Variants in SLC25A53 observed in about 807,000 individuals in gnomAD.
SLC25A53 encodes mitochondrial carrier triple repeat protein 6.
Under a neutral mutation model 15.0 loss-of-function variants are expected in SLC25A53, and 5 were observed. The ratio of observed to expected loss-of-function variants is 0.33; its 90% CI spans 0.17 to 0.70. The LOEUF (loss-of-function observed/expected upper bound fraction) is 0.70, where lower values mean the gene tolerates loss of function less well. Among genes scored for constraint, SLC25A53 ranks in the 30% least tolerant of loss-of-function variants. The probability of loss-of-function intolerance (pLI) is 0.67; values close to 1 mark genes in which losing one functional copy is unlikely to be tolerated. For synonymous variants in SLC25A53, 95 were observed against 100.0 expected (o/e 0.95, Z 0.30); for missense variants, 216 against 241.6 (o/e 0.89, Z 0.70).
Position 104,104,685 on chromosome X carries a change from T to C in SLC25A53, c.573A>G (p.Leu191=), listed in dbSNP as rs2075297950. The change falls in exon 2 of 2, where the codon CTA becomes CTG. Residue 191 remains leucine, a synonymous_variant. Transcript: ENST00000594199. ...GGATGGGGTCCTTGAAAGAAAAATA[T>C]AGAGCACTCCCCAGGCTGTTCCTGG... ...VLARNSLGSA[L]YFSFKDPIQD... is the part of the protein sequence containing the mutation. 4 of 1,211,140 alleles carry C rather than the reference T, an allele frequency of 3.3e-6. No individual in the cohort carries two copies. The highest frequency in any genetic ancestry group is 4.5e-6 in the Non-Finnish European group (4 of 895,309).
intron 1 of SLC25A53, chrX:104,112,418 G>C (rs1189986552): frequency 8.8e-6 from 1 of 114,096 alleles, no homozygotes; most frequent in Non-Finnish European, 1.9e-5. Context: ...CCGCCGGCCA[G>C]CCGGCCCGCT....
At chrX:104,113,993 C>A in intron 1 of SLC25A53, 1 of 1,101,957 alleles carries the variant, frequency 9.1e-7, no homozygotes, top group African/African-American at 1.8e-5. Context: ...CCTTAGAATC[C>A]CTACTGAAAT....
At chrX:104,138,814 A>G (rs2075443570) in intron 1 of SLC25A53, among the ~76,000 whole-genome samples, 1 of 111,677 alleles carries the variant, frequency 9.0e-6, no homozygotes, top group Admixed American at 9.5e-5. Context: ...CTGCCGCTCA[A>G]TGGCCTGCCG....
chrX:104,137,514 A>G (rs1406706515), intron 1 of SLC25A53, among the ~76,000 whole-genome samples: 4 of 111,547 alleles, frequency 3.6e-5, no homozygotes, highest in African/African-American at 1.3e-4. Context: ...ATGGATCTTG[A>G]GCAGCTCACT....
At position 104,102,826 on chromosome X, in the gene SLC25A53, A is replaced by G. The variant is rs2147858443; in HGVS notation, c.*1508T>C. The G allele has an allele frequency of 8.9e-6, 1 of 112,170 alleles. No homozygotes were observed. The highest frequency in any genetic ancestry group is 2.8e-4 in the East Asian group (1 of 3,580). 9.2% of individuals were successfully genotyped at this position (112,170 alleles called of 1,213,427 possible). A position where few individuals can be genotyped will look rare whatever the true frequency, so the allele number is the denominator to read the frequency against. On this transcript the variant is annotated 3_prime_UTR_variant, in exon 2 of 2. Coordinates refer to ENST00000594199, the MANE Select transcript of SLC25A53 (RefSeq NM_001012755.5). ...ATAATGGAATCAGTACCCTGTATGAAGTGCTGTTAGAAAGGGGCATCACAG... is the reference window on the plus strand; with the variant it reads ...ATAATGGAATCAGTACCCTGTATGAGGTGCTGTTAGAAAGGGGCATCACAG...
At chrX:104,115,488 G>A in intron 1 of SLC25A53, 2 of 468,460 alleles carry the variant, frequency 4.3e-6, no homozygotes, top group Non-Finnish European at 7.3e-6. Context: ...ATGGGGAATG[G>A]TGTGACCTCT....
At chrX:104,130,407 C>T (rs1372078076) in intron 1 of SLC25A53, among the ~76,000 whole-genome samples, 7 of 111,596 alleles carry the variant, frequency 6.3e-5, no homozygotes, top group African/African-American at 2.0e-4. Flanking sequence ...ATTCCAATCA[C>T]TTAACTCCAG....
intron 1 of SLC25A53, among the ~76,000 whole-genome samples, chrX:104,126,581 A>G (rs934539866): frequency 4.5e-5 from 5 of 111,159 alleles, no homozygotes; most frequent in Non-Finnish European, 9.4e-5. Flanking sequence ...TTGAGTCCAC[A>G]TCAAAGCTTC....
Position 104,105,028 on chromosome X carries a change from A to G in SLC25A53, c.230T>C (p.Phe77Ser). 1.7e-6 allele frequency: 2 copies of G among 1,211,889 alleles called. No homozygotes were observed. Among genetic ancestry groups the G allele is most frequent in the Non-Finnish European group, 2.2e-6 (2 of 895,494 alleles). Reference protein sequence around the residue: ...RQLWHEGPQYFYRGIYPPLLS... With the variant: ...RQLWHEGPQYSYRGIYPPLLS... ...AAGAGGAGGGTAGATTCCCCGGTAGAAGTATTGAGGACCTTCATGCCAAAG... is the reference window on the plus strand; with the variant it reads ...AAGAGGAGGGTAGATTCCCCGGTAGGAGTATTGAGGACCTTCATGCCAAAG... The change falls in exon 2 of 2, where the codon TTC becomes TCC. Residue 77 changes from phenylalanine to serine, a missense_variant. Coordinates refer to ENST00000594199, the MANE Select transcript of SLC25A53 (RefSeq NM_001012755.5).
At chrX:104,156,332 G>C (rs1196510136) in intron 1 of SLC25A53, among the ~76,000 whole-genome samples, 1 of 111,333 alleles carries the variant, frequency 9.0e-6, no homozygotes, top group African/African-American at 3.3e-5. Flanking sequence ...TATTGTAATA[G>C]CCTGTCTCCA....
rs1263579306 is a variant in SLC25A53, at chrX:104,100,436, T to C, written c.*3898A>G. ...CAACTCCTAAAACTCATTTTTAATA[T>C]CAGAAAACATAGCTCCATTAACATC... On this transcript the variant is annotated 3_prime_UTR_variant, in exon 2 of 2. Transcript: ENST00000594199. 1 of 111,709 alleles carries C rather than the reference T, an allele frequency of 9.0e-6. No individual in the cohort carries two copies. Among genetic ancestry groups the C allele is most frequent in the Non-Finnish European group, 1.9e-5 (1 of 53,166 alleles). 9.2% of individuals were successfully genotyped at this position (111,709 alleles called of 1,213,427 possible).
rs1556355228 is a variant in SLC25A53, at chrX:104,104,940, G to C, written c.318C>G (p.Leu106=). 6 of 1,209,640 alleles carry C rather than the reference G, an allele frequency of 5.0e-6. No homozygotes were observed. Among genetic ancestry groups the C allele is most frequent in the Admixed American group, 2.2e-5 (1 of 45,699 alleles). ...FGTYDSLLCF[L]SPVGPHTLGH... ...CCAGGGTGTGTGGCCCAACAGGAGAGAGAAAGCACAGCAGGCTATCATAAG... is the reference window on the plus strand; with the variant it reads ...CCAGGGTGTGTGGCCCAACAGGAGACAGAAAGCACAGCAGGCTATCATAAG... The change falls in exon 2 of 2, where the codon CTC becomes CTG. Residue 106 remains leucine, a synonymous_variant. Transcript: ENST00000594199.
rs77053116 is a variant in SLC25A53 at position 104,110,972 on chromosome X, G to A, written c.-31-5684C>T. On this transcript the variant is annotated intron_variant, in intron 1 of 1. Coordinates refer to ENST00000594199, the MANE Select transcript of SLC25A53 (RefSeq NM_001012755.5). Reference sequence around the variant, plus strand: ...CATTTGAAAATCTGCAAAGCTGTGGGCTCAGAAGAATGTACGGAGTCCAGA... The same window carrying A: ...CATTTGAAAATCTGCAAAGCTGTGGACTCAGAAGAATGTACGGAGTCCAGA... 5.9e-3 allele frequency among the ~76,000 whole-genome samples: 664 copies of A among 112,571 alleles called. 9 individuals are homozygous for A. Among genetic ancestry groups the A allele is most frequent in the African/African-American group, 0.017 (526 of 30,716 alleles).
intron 1 of SLC25A53, among the ~76,000 whole-genome samples, chrX:104,137,837 G>C (rs1180926443): frequency 2.7e-5 from 3 of 111,613 alleles, no homozygotes; most frequent in African/African-American, 9.8e-5. Context: ...CTGTTCACTG[G>C]AAGTCTCTTT....
Position 104,104,801 on chromosome X carries a change from T to C in SLC25A53, c.457A>G (p.Ser153Gly). Residue 153 changes from serine to glycine, a missense_variant, in exon 2 of 2, where the codon AGC becomes GGC. Physicochemically the swap from Ser to Gly is moderately conservative, Grantham distance 56. Transcript: ENST00000594199. ...QDGRKQARFP[S>G]TFSILKEFNS... ...AATTCCTTGAGAATGCTGAAGGTGCTGGGGAAGCGAGCTTGCTTGCGACCA... is the reference window on the plus strand; with the variant it reads ...AATTCCTTGAGAATGCTGAAGGTGCCGGGGAAGCGAGCTTGCTTGCGACCA... 1 of 1,211,738 alleles carries C rather than the reference T, an allele frequency of 8.3e-7. No homozygotes were observed. The highest frequency in any genetic ancestry group is 1.1e-6 in the Non-Finnish European group (1 of 895,530).
At chrX:104,126,463 G>A (rs1402675537) in intron 1 of SLC25A53, among the ~76,000 whole-genome samples, 4 of 111,066 alleles carry the variant, frequency 3.6e-5, no homozygotes, top group Admixed American at 2.9e-4. Flanking sequence ...AGATAAGCCT[G>A]GGCAACATAG....
At chrX:104,111,217 C>T (rs1457977217) in intron 1 of SLC25A53, among the ~76,000 whole-genome samples, 3 of 112,170 alleles carry the variant, frequency 2.7e-5, no homozygotes, top group Non-Finnish European at 3.8e-5. Context: ...ACTCTTCACC[C>T]CTAGTCCTAC....
In SLC25A53 at chrX:104,104,310, G is replaced by A. The variant is rs1374250118; in HGVS notation, c.*24C>T. The stretch of plus-strand genomic sequence containing the variant: ...ACCAGGGAAGATTTAGAATAACAAA[G>A]CTGCCATGCCACACTTTCTGCAGCT... On this transcript the variant is annotated 3_prime_UTR_variant, in exon 2 of 2. Coordinates refer to ENST00000594199, the MANE Select transcript of SLC25A53 (RefSeq NM_001012755.5). 1 of 1,191,337 alleles carries A rather than the reference G, an allele frequency of 8.4e-7. No homozygotes were observed. The highest frequency in any genetic ancestry group is 3.0e-4 in the Middle Eastern group (1 of 3,380).
chrX:104,112,520 C>G (rs2075352442), intron 1 of SLC25A53: 1 of 113,782 alleles, frequency 8.8e-6, no homozygotes, highest in South Asian at 3.5e-4. Flanking sequence ...CCCGGCCCGT[C>G]ACGCTCTTTT....
Sources: allele counts gnomAD v4.1 joint callset (sites outside exome capture counted in the v4.1 genomes callset), GRCh38; gene constraint gnomAD v4.1.1; transcripts MANE v1.5; gene names NCBI Gene and HGNC (gene_info 2026-07-23, HGNC 2026-07-21).